The following FGF20 variants were observed in gnomAD, a reference collection of about 807,000 sequenced individuals.
The protein encoded by FGF20 is fibroblast growth factor 20.
Under a neutral mutation model 16.7 loss-of-function variants are expected in FGF20, and 8 were observed. The observed-to-expected ratio is 0.48, with a 90% CI of 0.28 to 0.87. The LOEUF (loss-of-function observed/expected upper bound fraction) is 0.87. FGF20 is among the 40% of genes least tolerant of loss of function. The pLI, the probability that FGF20 is intolerant of heterozygous loss-of-function variation, is 0.10. For synonymous variants in FGF20, 161 were observed against 118.6 expected (o/e 1.36, Z -2.32); for missense variants, 397 against 281.4 (o/e 1.41, Z -2.94).
At chr8:16,994,422 T>A (rs1462704305) in intron 2 of FGF20, among the ~76,000 whole-genome samples, 1 of 152,228 alleles carries the variant, frequency 6.6e-6, no homozygotes, top group African/African-American at 2.4e-5. Context: ...TCCTAAGTGA[T>A]AAACCACAGT....
intron 1 of FGF20, among the ~76,000 whole-genome samples, chr8:16,999,014 A>G (rs1040066359): frequency 6.6e-6 from 1 of 152,204 alleles, no homozygotes; most frequent in Non-Finnish European, 1.5e-5. Flanking sequence ...CTGAAGTACT[A>G]GCAAAAGAAG....
chr8:16,998,194 G>A (rs1740239965), intron 1 of FGF20, among the ~76,000 whole-genome samples: 1 of 152,142 alleles, frequency 6.6e-6, no homozygotes. Flanking sequence ...GAAAAAATAT[G>A]TAGCTGTAGA....
Position 16,995,715 on chromosome 8 carries a change from A to G in FGF20, c.330T>C (p.Ile110=). ...FISVAVGLVS[I]RGVDSGLYLG... is the part of the protein sequence containing the mutation. ...GATAGAGACCACTGTCCACACCTCT[A>G]ATACTGACCAGTCCCACTGCCACAC... is the stretch of plus-strand genomic sequence containing the variant. Residue 110 remains isoleucine, a synonymous_variant, in exon 2 of 3, where the codon ATT becomes ATC. Transcript: ENST00000180166. The G allele has an allele frequency of 6.2e-7, 1 of 1,609,876 alleles. No individual in the cohort carries two copies. Among genetic ancestry groups the G allele is most frequent in the East Asian group, 2.2e-5 (1 of 44,848 alleles).
At chr8:16,998,427 G>C (rs749775650) in intron 1 of FGF20, among the ~76,000 whole-genome samples, 3 of 152,040 alleles carry the variant, frequency 2.0e-5, no homozygotes, top group Non-Finnish European at 4.4e-5. Flanking sequence ...GTAGTAATTT[G>C]TAATCATTTG....
rs1472388933 is a variant in FGF20, at chr8:16,995,648, T to A, written c.390+7A>T. 2 of 1,280,642 alleles carry A rather than the reference T, an allele frequency of 1.6e-6. No individual in the cohort carries two copies. Among genetic ancestry groups the A allele is most frequent in the Non-Finnish European group, 2.2e-6 (2 of 917,860 alleles). 79.3% of individuals were successfully genotyped at this position (1,280,642 alleles called of 1,614,324 possible). ...CAATAATAATAAAAAATAAAAATAATACGTACTGATCCATAGAGTTCTCCT... is the reference window on the plus strand; with the variant it reads ...CAATAATAATAAAAAATAAAAATAAAACGTACTGATCCATAGAGTTCTCCT... On this transcript the variant is annotated splice_region_variant and intron_variant, in intron 2 of 2. Coordinates refer to ENST00000180166, the MANE Select transcript of FGF20 (RefSeq NM_019851.3).
intron 2 of FGF20, 132 bp downstream of exon 2, chr8:16,995,523 T>C (rs913947036): frequency 2.3e-5 from 10 of 444,382 alleles, no homozygotes; most frequent in Non-Finnish European, 3.5e-5. Context: ...TTTAGCAGGA[T>C]AGATTTCAAT....
At chr8:16,995,868 A>G (rs1221714361) in intron 1 of FGF20, 110 bp from the exon 2 acceptor site, 2 of 575,994 alleles carry the variant, frequency 3.5e-6, no homozygotes, top group South Asian at 2.8e-5. Context: ...ATTGCCAAAT[A>G]TAATGATGTA....
chr8:16,999,480 T>C (rs76168499), intron 1 of FGF20, among the ~76,000 whole-genome samples: 1 of 151,642 alleles, frequency 6.6e-6, no homozygotes, highest in African/African-American at 2.4e-5. Context: ...CCTTTTTTTT[T>C]CTGTCACTGG....
chr8:16,997,066 T>A (rs1213497860), intron 1 of FGF20, among the ~76,000 whole-genome samples: 2 of 152,224 alleles, frequency 1.3e-5, no homozygotes, highest in Non-Finnish European at 2.9e-5. Flanking sequence ...GCAAGTAGAT[T>A]TACTATCAAT....
chr8:16,995,329 T>C (rs914003141), intron 2 of FGF20, among the ~76,000 whole-genome samples: 5 of 152,176 alleles, frequency 3.3e-5, no homozygotes, highest in African/African-American at 4.8e-5. Context: ...TGAGAGAGTC[T>C]AACATGGCAA....
chr8:16,995,301 C>A (rs17550199), intron 2 of FGF20, among the ~76,000 whole-genome samples: 1 of 152,026 alleles, frequency 6.6e-6, no homozygotes, highest in Non-Finnish European at 1.5e-5. Context: ...GAAAGTTTAC[C>A]TTAAATAAAC....
intron 1 of FGF20, among the ~76,000 whole-genome samples, chr8:17,001,271 A>G (rs1013340457): frequency 6.6e-6 from 1 of 152,172 alleles, no homozygotes; most frequent in Non-Finnish European, 1.5e-5. Flanking sequence ...GCATGTTTAA[A>G]GAAGCCCGGC....
intron 1 of FGF20, among the ~76,000 whole-genome samples, chr8:17,000,784 T>A (rs1019838158): frequency 8.6e-5 from 13 of 151,774 alleles, no homozygotes; most frequent in African/African-American, 3.1e-4. Flanking sequence ...GGAGAGACCC[T>A]CCCGATCTAG....
At chr8:16,998,999 A>G (rs1810122166) in intron 1 of FGF20, among the ~76,000 whole-genome samples, 1 of 152,232 alleles carries the variant, frequency 6.6e-6, no homozygotes, top group Non-Finnish European at 1.5e-5. Context: ...TTTAATAATT[A>G]GTAACTGAAG....
intron 1 of FGF20, among the ~76,000 whole-genome samples, chr8:16,999,706 T>G (rs28715253): frequency 7.4e-6 from 1 of 135,848 alleles, no homozygotes; most frequent in African/African-American, 2.8e-5. Context: ...TTTTTTTTTG[T>G]ATTTTTTGTA....
At position 16,998,440 on chromosome 8, in the gene FGF20, T is replaced by A. The variant is rs553973241; in HGVS notation, c.287-2682A>T. ...ACGTAGTAATTTGTAATCATTTGAT[T>A]CTTAAATGAGATTTGACAAGTCTTT... On this transcript the variant is annotated intron_variant, in intron 1 of 2. Coordinates refer to ENST00000180166, the MANE Select transcript of FGF20 (RefSeq NM_019851.3). Among the ~76,000 whole-genome samples, 5 of 152,324 alleles carry A rather than the reference T, an allele frequency of 3.3e-5. No individual in the cohort carries two copies. The East Asian group carries it at 9.6e-4, about 29-fold the overall frequency.
chr8:17,000,937 TA>T (rs1180274394), intron 1 of FGF20, among the ~76,000 whole-genome samples: 3 of 152,118 alleles, frequency 2.0e-5, no homozygotes, highest in Non-Finnish European at 2.9e-5. Flanking sequence ...TCCTCTTTCC[TA>T]AAGTCGATAC....
Position 16,993,211 on chromosome 8 carries a change from A to G in FGF20, c.497T>C (p.Phe166Ser), listed in dbSNP as rs759071753. The part of the protein sequence containing the change: ...YKHGDTGRRY[F>S]VALNKDGTPR... Reference sequence around the variant, plus strand: ...AGTTCCGTCTTTGTTAAGTGCCACAAAATACCTGCGGCCAGTGTCTCCATG... The same window carrying G: ...AGTTCCGTCTTTGTTAAGTGCCACAGAATACCTGCGGCCAGTGTCTCCATG... The change falls in exon 3 of 3, where the codon TTT (phenylalanine) becomes TCT (serine). Residue 166 changes from phenylalanine (F) to serine (S), a missense_variant. Transcript: ENST00000180166. The G allele has an allele frequency of 3.1e-6, 5 of 1,614,184 alleles. No individual in the cohort carries two copies. The highest frequency in any genetic ancestry group is 1.1e-5 in the South Asian group (1 of 91,080).
rs188038550 is a variant in FGF20, at chr8:16,993,348, A to T, written c.391-31T>A. 3.4e-4 allele frequency: 526 copies of T among 1,549,834 alleles called. 1 individual carries two copies. The African/African-American group carries it at 4.8e-3, about 14-fold the overall frequency. ...AGAGAGAAGATAACTATTATTTTTT[A>T]AAAAAATACCTTTGAGATAATTTCC... On this transcript the variant is annotated intron_variant, in intron 2 of 2. Transcript: ENST00000180166.
Sources: allele counts gnomAD v4.1 joint callset (sites outside exome capture counted in the v4.1 genomes callset), GRCh38; gene constraint gnomAD v4.1.1; transcripts MANE v1.5; gene names NCBI Gene and HGNC (gene_info 2026-07-23, HGNC 2026-07-21).